The following MNAT1 variants were observed in gnomAD, a reference collection of about 807,000 sequenced individuals.
MNAT1 encodes the protein MNAT1 component of CDK activating kinase, also known as CDK-activating kinase assembly factor MAT1.
In MNAT1, 43 loss-of-function variants were observed where a neutral mutation model predicts 42.0. The ratio of observed to expected loss-of-function variants is 1.02; its 90% CI spans 0.80 to 1.32. MNAT1 has a LOEUF of 1.32. MNAT1 is among the 40% of genes most tolerant of loss of function. MNAT1 has a pLI of 0.00. For missense variants in MNAT1, 306 were observed against 350.4 expected (o/e 0.87, Z 1.01); for synonymous variants, 118 against 120.0 (o/e 0.98, Z 0.11).
intron 7 of MNAT1, among the ~76,000 whole-genome samples, chr14:60,960,248 G>A (rs899533260): frequency 2.6e-5 from 4 of 152,116 alleles, no homozygotes; most frequent in African/African-American, 9.7e-5. Flanking sequence ...CTCTAGAAAG[G>A]AGGGGAAGAG....
chr14:60,926,581 A>G (rs1463071026), intron 7 of MNAT1, among the ~76,000 whole-genome samples: 2 of 152,226 alleles, frequency 1.3e-5, no homozygotes, highest in African/African-American at 2.4e-5. Flanking sequence ...TACAGAGGAT[A>G]TACGTGAACA....
intron 7 of MNAT1, among the ~76,000 whole-genome samples, chr14:60,907,942 G>A (rs989285917): frequency 4.6e-5 from 7 of 151,992 alleles, no homozygotes; most frequent in Admixed American, 1.3e-4. Flanking sequence ...CTGAATATCT[G>A]TTTCTTCAGA....
At chr14:60,780,270 A>C in intron 1 of MNAT1, 2 of 1,454,498 alleles carry the variant, frequency 1.4e-6, no homozygotes, top group Non-Finnish European at 1.9e-6. Context: ...GAGGTCCTGG[A>C]AAGATGACAG....
chr14:60,772,925 A>G (rs1351246588), intron 1 of MNAT1, among the ~76,000 whole-genome samples: 1 of 139,186 alleles, frequency 7.2e-6, no homozygotes, highest in African/African-American at 2.5e-5. Context: ...ACATTTATTT[A>G]TTTATTTATT....
chr14:60,812,873 C>T (rs892181698), intron 5 of MNAT1, among the ~76,000 whole-genome samples: 14 of 152,164 alleles, frequency 9.2e-5, no homozygotes, highest in African/African-American at 3.1e-4. Context: ...TTATCACCTT[C>T]GCCATCTTTT....
rs138465411 is a variant in MNAT1 at position 60,747,463 on chromosome 14, G to T, written c.89+12512G>T. ...AGGTCTGTATAGTGTGTTACTGTAC[G>T]GAATGCCATAGGCAGCTGTAACACA... is the stretch of plus-strand genomic sequence containing the variant. On this transcript the variant is annotated intron_variant, in intron 1 of 7. Transcript: ENST00000261245. 1.7e-3 allele frequency among the ~76,000 whole-genome samples: 259 copies of T among 152,160 alleles called. 1 individual carries two copies. The highest frequency in any genetic ancestry group is 5.5e-3 in the African/African-American group (229 of 41,504).
intron 6 of MNAT1, among the ~76,000 whole-genome samples, chr14:60,827,873 A>T (rs1381376939): frequency 3.3e-5 from 5 of 152,158 alleles, no homozygotes; most frequent in Non-Finnish European, 5.9e-5. Flanking sequence ...CAGTTATGTT[A>T]TTTCACTAAA....
At chr14:60,962,867 T>C (rs892173827) in intron 7 of MNAT1, among the ~76,000 whole-genome samples, 2 of 152,232 alleles carry the variant, frequency 1.3e-5, no homozygotes, top group African/African-American at 4.8e-5. Flanking sequence ...TTATTATTAG[T>C]TTATTCAAAT....
At chr14:60,872,042 G>A (rs2034336183) in intron 6 of MNAT1, among the ~76,000 whole-genome samples, 4 of 152,074 alleles carry the variant, frequency 2.6e-5, no homozygotes, top group Non-Finnish European at 4.4e-5. Context: ...TTATTAGTAT[G>A]TTTTGCATTG....
At chr14:60,905,397 T>C (rs539775169) in intron 7 of MNAT1, among the ~76,000 whole-genome samples, 3 of 152,168 alleles carry the variant, frequency 2.0e-5, no homozygotes, top group Admixed American at 1.3e-4. Flanking sequence ...CTGTTAGATA[T>C]AGCAGATAAA....
At chr14:60,908,766 A>T (rs1305953422) in intron 7 of MNAT1, among the ~76,000 whole-genome samples, 2 of 152,230 alleles carry the variant, frequency 1.3e-5, no homozygotes, top group East Asian at 3.9e-4. Flanking sequence ...TATTGTGAAT[A>T]GTGCCGCAGT....
At chr14:60,825,744 T>A (rs2033036628) in intron 6 of MNAT1, among the ~76,000 whole-genome samples, 2 of 152,304 alleles carry the variant, frequency 1.3e-5, no homozygotes, top group South Asian at 4.1e-4. Context: ...AACTTACACA[T>A]TCTGATTCAG....
chr14:60,760,591 A>G (rs543341164), intron 1 of MNAT1, among the ~76,000 whole-genome samples: 14 of 152,354 alleles, frequency 9.2e-5, no homozygotes, highest in African/African-American at 2.9e-4. Flanking sequence ...TTCATTTAAC[A>G]TTATTTAACT....
intron 7 of MNAT1, among the ~76,000 whole-genome samples, chr14:60,908,737 C>G (rs974017132): frequency 6.6e-6 from 1 of 152,096 alleles, no homozygotes; most frequent in African/African-American, 2.4e-5. Context: ...GGACATTTGG[C>G]TTAGTTCCAA....
At chr14:60,931,892 C>T (rs2035893664) in intron 7 of MNAT1, among the ~76,000 whole-genome samples, 3 of 151,910 alleles carry the variant, frequency 2.0e-5, no homozygotes, top group African/African-American at 7.2e-5. Flanking sequence ...TATATACTCC[C>T]TTAGATACTG....
intron 6 of MNAT1, among the ~76,000 whole-genome samples, chr14:60,875,186 A>G (rs186872231): frequency 1.3e-5 from 2 of 152,132 alleles, no homozygotes; most frequent in South Asian, 4.1e-4. Flanking sequence ...GAATTTATAT[A>G]AAAAATTGGT....
intron 7 of MNAT1, among the ~76,000 whole-genome samples, chr14:60,966,247 A>C (rs533437659): frequency 6.6e-6 from 1 of 151,240 alleles, no homozygotes; most frequent in East Asian, 2.0e-4. Flanking sequence ...TTGCCTCCCA[A>C]GTAGCTGGAT....
intron 1 of MNAT1, among the ~76,000 whole-genome samples, chr14:60,759,594 T>C (rs570624311): frequency 2.3e-4 from 35 of 152,294 alleles, no homozygotes; most frequent in Non-Finnish European, 4.0e-4. Flanking sequence ...GTTGGCCAGT[T>C]TGATGAATGT....
intron 6 of MNAT1, among the ~76,000 whole-genome samples, chr14:60,861,061 CATATTT>C (rs2139433747): frequency 6.6e-6 from 1 of 151,974 alleles, no homozygotes; most frequent in Admixed American, 6.6e-5. Flanking sequence ...CTTTTTTTTA[CATATTT>C]AATGAATCTT....
Sources: gnomAD v4.1 joint callset for allele counts (sites outside exome capture counted in the v4.1 genomes callset) on GRCh38, gnomAD v4.1.1 for gene constraint, MANE v1.5 for transcripts, NCBI Gene and HGNC (gene_info 2026-07-23, HGNC 2026-07-21) for gene names.